PCDHA10: variants seen among roughly 807,000 people sequenced by gnomAD.
The protein encoded by PCDHA10 is protocadherin alpha 10.
A neutral mutation model predicts 61.2 loss-of-function variants in PCDHA10; 45 were observed. The observed-to-expected ratio is 0.74, with a 90% CI of 0.58 to 0.94. The LOEUF (loss-of-function observed/expected upper bound fraction) is 0.94, where lower values mean the gene tolerates loss of function less well. PCDHA10 is among the 40% of genes least tolerant of loss of function. PCDHA10 has a pLI of 0.00. For synonymous variants in PCDHA10, 602 were observed against 548.8 expected, an observed-to-expected ratio of 1.10 and a Z score of -1.35; for missense variants, 1,278 against 1,236.2, an observed-to-expected ratio of 1.03 and a Z score of -0.51.
chr5:140,943,006 C>A (rs1314561126), intron 1 of PCDHA10, among the ~76,000 whole-genome samples: 2 of 151,932 alleles, frequency 1.3e-5, no homozygotes, highest in East Asian at 3.9e-4. Flanking sequence ...CCTGTAATCC[C>A]AGCACTTTGG....
At chr5:140,882,675 G>C in intron 1 of PCDHA10, 1 of 1,614,218 alleles carries the variant, frequency 6.2e-7, no homozygotes, top group East Asian at 2.2e-5. Flanking sequence ...TTCCCTGAAA[G>C]CAAGAAACGA....
Position 140,888,156 on chromosome 5 carries a change from A to T in PCDHA10, c.2388+29720A>T, listed in dbSNP as rs556908449. 2.0e-5 allele frequency among the ~76,000 whole-genome samples: 3 copies of T among 152,300 alleles called. No homozygotes were observed. In the South Asian group the frequency reaches 6.2e-4, roughly 32 times the overall value. On this transcript the variant is annotated intron_variant, in intron 1 of 3. Coordinates refer to ENST00000307360, the MANE Select transcript of PCDHA10 (RefSeq NM_018901.4). ...TTTCTTGCTGTTTTGCATGACTGGT[A>T]ATCTCTAATAAGATGCTAGACATTG...
intron 1 of PCDHA10, among the ~76,000 whole-genome samples, chr5:140,950,042 T>C (rs2153688283): frequency 6.6e-6 from 1 of 152,082 alleles, no homozygotes; most frequent in South Asian, 2.1e-4. Flanking sequence ...GTTACAACCA[T>C]ATAAGACTAT....
chr5:140,944,743 T>A (rs1307968034), intron 1 of PCDHA10, among the ~76,000 whole-genome samples: 2 of 152,238 alleles, frequency 1.3e-5, no homozygotes, highest in East Asian at 3.8e-4. Flanking sequence ...TCTGAGCATT[T>A]ACATGGAAAA....
rs1193708084 is a variant in PCDHA10, at chr5:140,882,956, A to AT, written c.2388+24521dup. 3.1e-6 allele frequency: 5 copies of AT among 1,614,110 alleles called. No individual in the cohort carries two copies. In the African/African-American group the frequency reaches 6.7e-5, roughly 22 times the overall value. ...GCTGACTGGCACAGTTCAGCTGCTC[A>AT]TCACGATTCTGGACGTGAATGACAA... On this transcript the variant is annotated intron_variant, in intron 1 of 3. Transcript: ENST00000307360.
chr5:140,877,840 G>A, intron 1 of PCDHA10: 1 of 1,580,394 alleles, frequency 6.3e-7, no homozygotes, highest in South Asian at 1.2e-5. Context: ...TCCCAGTGAA[G>A]TAAGTTATTA....
rs782195215 is a variant in PCDHA10 at position 140,856,375 on chromosome 5, G to A, written c.327G>A (p.Val109=). The stretch of plus-strand genomic sequence containing the variant: ...GCAGCATCCACCTGGAGGTGATCGT[G>A]GACAGGCCGCTGCAGGTTTTCCATG... The part of the protein sequence containing the change: ...VECSIHLEVI[V]DRPLQVFHVD... Residue 109 remains valine (V), a synonymous_variant, in exon 1 of 4, where the codon GTG becomes GTA. Transcript: ENST00000307360. The A allele has an allele frequency of 1.9e-5, 30 of 1,598,518 alleles. 2 individuals are homozygous for A. The highest frequency in any genetic ancestry group is 2.5e-5 in the Non-Finnish European group (29 of 1,167,968).
At chr5:140,967,066 C>A (rs782715200) in intron 1 of PCDHA10, 2 of 1,612,908 alleles carry the variant, frequency 1.2e-6, no homozygotes, top group Non-Finnish European at 1.7e-6. Context: ...GAGCGCTCTT[C>A]GTCAACGAGC....
At chr5:140,992,332 A>G (rs1554252819) in intron 3 of PCDHA10, among the ~76,000 whole-genome samples, 1 of 152,202 alleles carries the variant, frequency 6.6e-6, no homozygotes, top group African/African-American at 2.4e-5. Context: ...TCTAAGAGCA[A>G]AGATGGAAAT....
chr5:140,866,263 T>G (rs1051175533), intron 1 of PCDHA10: 1 of 152,174 alleles, frequency 6.6e-6, no homozygotes, highest in Non-Finnish European at 1.5e-5. Context: ...CTTTCTTTAC[T>G]GTGAATAAAG....
In PCDHA10 at chr5:141,011,512, G is replaced by A. The variant is rs561564688; in HGVS notation, c.*1575G>A. On this transcript the variant is annotated 3_prime_UTR_variant, in exon 4 of 4. Coordinates refer to ENST00000307360, the MANE Select transcript of PCDHA10 (RefSeq NM_018901.4). ...TGTACACCTGTGAAAAAGTGGAGTAGTGTTTTTTTAACCATTGTTAATCAG... is the reference window on the plus strand; with the variant it reads ...TGTACACCTGTGAAAAAGTGGAGTAATGTTTTTTTAACCATTGTTAATCAG... 9 of 153,844 alleles carry A rather than the reference G, an allele frequency of 5.9e-5. No homozygotes were observed. Among genetic ancestry groups the A allele is most frequent in the African/African-American group, 2.2e-4 (9 of 41,570 alleles). 9.5% of individuals were successfully genotyped at this position (153,844 alleles called of 1,614,324 possible).
In PCDHA10 at chr5:140,886,468, T is replaced by C. The variant is rs138596929; in HGVS notation, c.2388+28032T>C. The stretch of plus-strand genomic sequence containing the variant: ...TAATTTTGTCATATATAAATGTTTT[T>C]AAAATGTATGAATTAAAATATATCT... On this transcript the variant is annotated intron_variant, in intron 1 of 3. Coordinates refer to ENST00000307360, the MANE Select transcript of PCDHA10 (RefSeq NM_018901.4). Among the ~76,000 whole-genome samples, 1,063 of 152,318 alleles carry C rather than the reference T, an allele frequency of 7.0e-3. 10 individuals carry two copies. Among genetic ancestry groups the C allele is most frequent in the Non-Finnish European group, 0.012 (787 of 68,024 alleles).
intron 1 of PCDHA10, among the ~76,000 whole-genome samples, chr5:140,949,539 A>G (rs971813092): frequency 6.6e-6 from 1 of 151,744 alleles, no homozygotes; most frequent in Admixed American, 6.6e-5. Context: ...TAAAATATCG[A>G]TTTGTTGCTG....
chr5:140,858,137 TACCTGATCATCGCC>T lies in PCDHA10; in HGVS notation c.2091_2104del (p.Ile699ArgfsTer38). ...GGTGGCCCTGGTGGATGTCAACGTG[TACCTGATCATCGCC>T]ATCTGCGCGGTGTCCAGCTTGCTGG... On this transcript the variant is annotated frameshift_variant, in exon 1 of 4. Coordinates refer to ENST00000307360, the MANE Select transcript of PCDHA10 (RefSeq NM_018901.4). LOFTEE classifies it high-confidence loss of function. The T allele has an allele frequency of 1.9e-6, 3 of 1,597,500 alleles. No individual in the cohort carries two copies. Among genetic ancestry groups the T allele is most frequent in the Non-Finnish European group, 2.6e-6 (3 of 1,167,372 alleles).
chr5:140,932,063 T>C (rs1020375496), intron 1 of PCDHA10, among the ~76,000 whole-genome samples: 8 of 151,942 alleles, frequency 5.3e-5, no homozygotes, highest in African/African-American at 1.4e-4. Context: ...CTAAAAATTA[T>C]CAGTTTAAGA....
chr5:140,942,120 A>G (rs2093234009), intron 1 of PCDHA10, among the ~76,000 whole-genome samples: 1 of 152,234 alleles, frequency 6.6e-6, no homozygotes, highest in South Asian at 2.1e-4. Flanking sequence ...ACTTTATTAA[A>G]GGTGATATTT....
chr5:140,871,022 A>ACT, intron 1 of PCDHA10: 1 of 1,613,114 alleles, frequency 6.2e-7, no homozygotes, highest in Non-Finnish European at 8.5e-7. Flanking sequence ...GACGAGGCAG[A>ACT]CTCGCCGCGC....
chr5:140,861,121 A>G (rs556416106), intron 1 of PCDHA10: 3 of 153,482 alleles, frequency 2.0e-5, no homozygotes, highest in African/African-American at 7.2e-5. Flanking sequence ...ACAAACACCC[A>G]TTAAGACCAC....
chr5:140,877,324 G>C (rs782336745), intron 1 of PCDHA10: 3 of 1,613,990 alleles, frequency 1.9e-6, no homozygotes, highest in Non-Finnish European at 2.5e-6. Context: ...GGCGGTCGGC[G>C]CGCACATCCC....
Sources: allele counts gnomAD v4.1 joint callset (sites outside exome capture counted in the v4.1 genomes callset), GRCh38; gene constraint gnomAD v4.1.1; transcripts MANE v1.5; gene names NCBI Gene and HGNC (gene_info 2026-07-23, HGNC 2026-07-21).